The following CSMD3 variants were observed in gnomAD, a reference collection of about 807,000 sequenced individuals.
CSMD3 encodes the protein CUB and Sushi multiple domains 3.
Under a neutral mutation model 435.2 loss-of-function variants are expected in CSMD3, and 177 were observed. The observed-to-expected ratio is 0.41, with a 90% CI of 0.36 to 0.46. CSMD3 has a LOEUF of 0.46. CSMD3 is among the 20% of genes least tolerant of loss of function. CSMD3 has a pLI of 0.34. For missense variants in CSMD3, 4,265 were observed against 4,504.6 expected (o/e 0.95, Z 1.52); for synonymous variants, 1,656 against 1,520.5 (o/e 1.09, Z -2.07).
rs1007963282 is a variant in CSMD3 at position 112,224,186 on chromosome 8, T to G, written c.*585A>C. On this transcript the variant is annotated 3_prime_UTR_variant, in exon 71 of 71. Coordinates refer to ENST00000297405, the MANE Select transcript of CSMD3 (RefSeq NM_198123.2). ...TGCTAAAGAAATAGAAAGATTCAAA[T>G]TGGAATGGGAAACCTTATGTCTTCC... 6.4e-6 allele frequency: 1 copy of G among 155,064 alleles called. No individual in the cohort carries two copies. The highest frequency in any genetic ancestry group is 1.4e-5 in the Non-Finnish European group (1 of 69,822). 9.6% of individuals were successfully genotyped at this position (155,064 alleles called of 1,614,324 possible). A position where few individuals can be genotyped will look rare whatever the true frequency, so the allele number is the denominator to read the frequency against.
chr8:112,416,231 G>A (rs997706696), intron 32 of CSMD3, among the ~76,000 whole-genome samples: 9 of 152,176 alleles, frequency 5.9e-5, no homozygotes, highest in African/African-American at 2.2e-4. Flanking sequence ...TGTCATGATA[G>A]TGAGTGAGTT....
Position 112,762,083 on chromosome 8 carries a change from G to A in CSMD3, c.1972+38079C>T, listed in dbSNP as rs184562208. ...AGGTCATTTAATACAGATGCTTTGC[G>A]TAAGTCACCACCAGATGGCATTCTT... On this transcript the variant is annotated intron_variant, in intron 13 of 70. Transcript: ENST00000297405. Among the ~76,000 whole-genome samples, 293 of 152,028 alleles carry A rather than the reference G, an allele frequency of 1.9e-3. 1 individual carries two copies. Among genetic ancestry groups the A allele is most frequent in the Non-Finnish European group, 3.3e-3 (222 of 67,898 alleles).
At chr8:112,311,338 A>T (rs539176033) in intron 49 of CSMD3, among the ~76,000 whole-genome samples, 172 bp from the exon 50 acceptor site, 3 of 152,188 alleles carry the variant, frequency 2.0e-5, no homozygotes. Flanking sequence ...AAAATGATCT[A>T]CTGACACAAC....
chr8:112,278,389 T>G (rs758797590), intron 59 of CSMD3, among the ~76,000 whole-genome samples: 4 of 152,192 alleles, frequency 2.6e-5, no homozygotes, highest in Non-Finnish European at 5.9e-5. Flanking sequence ...GTATTGAAAA[T>G]TGACATTCAG....
At chr8:112,543,648 C>T (rs1826888274) in intron 27 of CSMD3, among the ~76,000 whole-genome samples, 1 of 151,924 alleles carries the variant, frequency 6.6e-6, no homozygotes, top group Non-Finnish European at 1.5e-5. Flanking sequence ...ATGGTGCCAG[C>T]CACTATGGAA....
chr8:112,369,761 A>G (rs954295789), intron 38 of CSMD3, among the ~76,000 whole-genome samples: 1 of 152,092 alleles, frequency 6.6e-6, no homozygotes. Flanking sequence ...TACCTAATGC[A>G]TGCGGGGCTT....
At chr8:113,012,446 T>A (rs568010574) in intron 6 of CSMD3, among the ~76,000 whole-genome samples, 2 of 152,074 alleles carry the variant, frequency 1.3e-5, no homozygotes, top group Admixed American at 1.3e-4. Context: ...TGAATTGTAA[T>A]CCCCATGTGT....
intron 5 of CSMD3, among the ~76,000 whole-genome samples, chr8:113,033,881 G>C (rs371839897): frequency 2.6e-5 from 4 of 151,382 alleles, no homozygotes; most frequent in African/African-American, 7.3e-5. Flanking sequence ...GGATCATGGG[G>C]GCAGTTTCCT....
intron 44 of CSMD3, among the ~76,000 whole-genome samples, 163 bp from the exon 45 acceptor site, chr8:112,335,637 T>C (rs1453881005): frequency 6.6e-6 from 1 of 152,168 alleles, no homozygotes; most frequent in Non-Finnish European, 1.5e-5. Context: ...TCTATATCTA[T>C]GTAGGTGACC....
chr8:113,019,265 C>G (rs2086592612), intron 5 of CSMD3, 86 bp from the exon 6 acceptor site: 2 of 816,352 alleles, frequency 2.4e-6, no homozygotes, highest in Non-Finnish European at 4.3e-6. Context: ...AACAAATGTC[C>G]AACTATATTC....
At chr8:113,032,466 C>A (rs2087155248) in intron 5 of CSMD3, among the ~76,000 whole-genome samples, 1 of 151,522 alleles carries the variant, frequency 6.6e-6, no homozygotes, top group Non-Finnish European at 1.5e-5. Context: ...ATTTATGGAA[C>A]TTTGAGCTTG....
intron 3 of CSMD3, among the ~76,000 whole-genome samples, chr8:113,232,314 A>G (rs569305647): frequency 6.6e-6 from 1 of 151,842 alleles, no homozygotes; most frequent in Admixed American, 6.6e-5. Context: ...TTTATTTTGT[A>G]ATTTGATGAA....
At position 112,284,749 on chromosome 8, in the gene CSMD3, A is replaced by G. The variant is rs140563811; in HGVS notation, c.9331+2315T>C. On this transcript the variant is annotated intron_variant, in intron 58 of 70. Transcript: ENST00000297405. ...GGAAAACATTCCACAAAAGTGGAGT[A>G]ATAAACTGAAGCAATAGATATATCC... 3.1e-3 allele frequency among the ~76,000 whole-genome samples: 477 copies of G among 152,104 alleles called. 3 individuals are homozygous for G. Among genetic ancestry groups the G allele is most frequent in the Non-Finnish European group, 5.0e-3 (337 of 67,868 alleles).
rs990127312 is a variant in CSMD3, at chr8:112,677,422, A to G, written c.2677+5020T>C. Among the ~76,000 whole-genome samples, 3 of 147,348 alleles carry G rather than the reference A, an allele frequency of 2.0e-5. No homozygotes were observed. In the South Asian group the frequency reaches 6.5e-4, roughly 32 times the overall value. ...TATAAAACACTTGCATCCTAACTCAAAAAAAAAAATCAAAGTAAAAATCTC... is the reference window on the plus strand; with the variant it reads ...TATAAAACACTTGCATCCTAACTCAGAAAAAAAAATCAAAGTAAAAATCTC... On this transcript the variant is annotated intron_variant, in intron 16 of 70. Coordinates refer to ENST00000297405, the MANE Select transcript of CSMD3 (RefSeq NM_198123.2).
intron 4 of CSMD3, among the ~76,000 whole-genome samples, chr8:113,153,101 AAAAGAAAG>A (rs1554791157): frequency 1.0e-5 from 1 of 99,994 alleles, no homozygotes; most frequent in Non-Finnish European, 2.0e-5. Context: ...AGAAAGAAAG[AAAAGAAAG>A]AAAGAAAGAA....
intron 53 of CSMD3, among the ~76,000 whole-genome samples, chr8:112,299,518 T>A (rs1226173573): frequency 6.6e-6 from 1 of 152,048 alleles, no homozygotes; most frequent in African/African-American, 2.4e-5. Flanking sequence ...TGGATAGATA[T>A]GTGATAAGCA....
chr8:112,972,247 A>G (rs568454829), intron 7 of CSMD3, among the ~76,000 whole-genome samples: 34 of 152,098 alleles, frequency 2.2e-4, no homozygotes, highest in African/African-American at 8.2e-4. Context: ...GTGAATAAAA[A>G]AATTAAAAAT....
At chr8:112,543,671 G>T (rs986452278) in intron 27 of CSMD3, among the ~76,000 whole-genome samples, 13 of 151,890 alleles carry the variant, frequency 8.6e-5, no homozygotes, top group African/African-American at 2.9e-4. Context: ...TATTATGAAG[G>T]TTCCTCAAAA....
chr8:112,451,210 G>T lies in CSMD3; in HGVS notation c.5395+21381C>A, dbSNP rs570891406. Among the ~76,000 whole-genome samples the T allele has an allele frequency of 2.2e-4, 34 of 152,076 alleles. 1 individual carries two copies. In the South Asian group the frequency reaches 6.8e-3, roughly 31 times the overall value. On this transcript the variant is annotated intron_variant, in intron 32 of 70. Coordinates refer to ENST00000297405, the MANE Select transcript of CSMD3 (RefSeq NM_198123.2). ...AAATACAAAATACCAGAGAGAAAAA[G>T]CACAAAGGTTAACAGTAGTTATCTC...
Sources: gnomAD v4.1 joint callset for allele counts (sites outside exome capture counted in the v4.1 genomes callset) on GRCh38, gnomAD v4.1.1 for gene constraint, MANE v1.5 for transcripts, NCBI Gene and HGNC (gene_info 2026-07-23, HGNC 2026-07-21) for gene names.